KTN1: variants seen among roughly 807,000 people sequenced by gnomAD.
KTN1 encodes the protein kinectin.
KTN1 carries 130 observed loss-of-function variants against 222.5 expected under a neutral mutation model. That is an observed-to-expected ratio of 0.58 (90% confidence interval 0.51 to 0.68). The LOEUF (loss-of-function observed/expected upper bound fraction) is 0.68, where lower values mean the gene tolerates loss of function less well. Ranked by LOEUF, KTN1 falls within the 30% of genes least tolerant of loss-of-function variation. The probability of loss-of-function intolerance (pLI) is 0.00; values close to 1 mark genes in which losing one functional copy is unlikely to be tolerated. For synonymous variants in KTN1, 512 were observed against 496.3 expected (o/e 1.03, Z -0.42); for missense variants, 1,508 against 1,500.4 (o/e 1.01, Z -0.08).
intron 10 of KTN1, among the ~76,000 whole-genome samples, chr14:55,636,737 T>A (rs1207952089): frequency 6.6e-6 from 1 of 152,142 alleles, no homozygotes; most frequent in Non-Finnish European, 1.5e-5. Flanking sequence ...GCCTGAAGCA[T>A]TAAAGTTGCA....
intron 8 of KTN1, 151 bp from the exon 9 acceptor site, chr14:55,634,375 C>A: frequency 1.9e-6 from 1 of 539,110 alleles, no homozygotes; most frequent in Non-Finnish European, 3.2e-6. Flanking sequence ...TACAACTAAA[C>A]TTTATTGTTA....
At chr14:55,593,936 A>C (rs892005736) in intron 1 of KTN1, among the ~76,000 whole-genome samples, 1 of 151,926 alleles carries the variant, frequency 6.6e-6, no homozygotes, top group Non-Finnish European at 1.5e-5. Context: ...TGTTGCTGTT[A>C]CCTTTAGGAA....
chr14:55,598,289 G>C (rs1211846700), intron 1 of KTN1, among the ~76,000 whole-genome samples: 1 of 152,004 alleles, frequency 6.6e-6, no homozygotes, highest in East Asian at 1.9e-4. Flanking sequence ...CAAAAAATTA[G>C]CCGGGCGTGT....
intron 1 of KTN1, among the ~76,000 whole-genome samples, chr14:55,601,522 A>G (rs1346777407): frequency 6.6e-6 from 1 of 152,158 alleles, no homozygotes; most frequent in East Asian, 1.9e-4. Flanking sequence ...GAGTAGGACA[A>G]TAGGAATTTA....
At position 55,649,792 on chromosome 14, in the gene KTN1, T is replaced by C; in HGVS notation, c.2384T>C (p.Leu795Pro). ...KQNDQVSFAS[L>P]VEELKKVIHE... ...TATTTCCAGGTTTCTTTTGCCTCTC[T>C]AGTTGAAGAACTTAAGAAAGTGTAA... Residue 795 changes from leucine to proline, a missense_variant, in exon 22 of 44, where the codon CTA (leucine) becomes CCA (proline). Coordinates refer to ENST00000395314, the MANE Select transcript of KTN1 (RefSeq NM_001079521.2). 1 of 1,523,460 alleles carries C rather than the reference T, an allele frequency of 6.6e-7. No individual in the cohort carries two copies. Among genetic ancestry groups the C allele is most frequent in the South Asian group, 1.2e-5 (1 of 85,260 alleles). The allele number at this position is 1,523,460 out of a possible 1,614,324, so 94.4% of individuals were successfully genotyped here.
intron 21 of KTN1, 115 bp downstream of exon 21, chr14:55,648,985 G>T: frequency 1.4e-6 from 1 of 698,224 alleles, no homozygotes; most frequent in Non-Finnish European, 2.5e-6. Context: ...GAGTGCAGTG[G>T]TACAATCATA....
At chr14:55,604,380 A>T (rs1377946720) in intron 1 of KTN1, among the ~76,000 whole-genome samples, 2 of 152,128 alleles carry the variant, frequency 1.3e-5, no homozygotes, top group East Asian at 1.9e-4. Context: ...GTCATTTTTT[A>T]AAAATGAGAT....
chr14:55,652,315 C>G (rs1236537666), intron 25 of KTN1, among the ~76,000 whole-genome samples: 1 of 150,952 alleles, frequency 6.6e-6, no homozygotes, highest in Non-Finnish European at 1.5e-5. Context: ...TTACTCATGT[C>G]TGGATATTCA....
chr14:55,619,227 C>T lies in KTN1; in HGVS notation c.878C>T (p.Thr293Ile), dbSNP rs1279357790. 1 of 1,607,856 alleles carries T rather than the reference C, an allele frequency of 6.2e-7. No homozygotes were observed. Among genetic ancestry groups the T allele is most frequent in the Non-Finnish European group, 8.5e-7 (1 of 1,174,544 alleles). ...KFKDFLLSLK[T>I]MMFSEDEALC... ...AAAGATTTTCTTCTGTCCTTGAAGA[C>T]TATGATGTTTTCTGAAGATGAGGCT... The change falls in exon 5 of 44, where the codon ACT becomes ATT. Residue 293 changes from threonine to isoleucine, a missense_variant. Physicochemically the swap from Thr to Ile is moderately conservative, Grantham distance 89 (BLOSUM62 -1). Transcript: ENST00000395314.
chr14:55,581,834 G>C (rs1594642671), intron 1 of KTN1, among the ~76,000 whole-genome samples: 1 of 152,184 alleles, frequency 6.6e-6, no homozygotes, highest in East Asian at 1.9e-4. Flanking sequence ...TGAGTATTTT[G>C]GGTAGACATG....
chr14:55,588,554 T>C (rs986181020), intron 1 of KTN1, among the ~76,000 whole-genome samples: 2 of 152,206 alleles, frequency 1.3e-5, no homozygotes, highest in Non-Finnish European at 2.9e-5. Context: ...GACAGAATGC[T>C]CATGTGGAGA....
At chr14:55,669,115 T>C (rs2045200753) in intron 34 of KTN1, among the ~76,000 whole-genome samples, 1 of 152,084 alleles carries the variant, frequency 6.6e-6, no homozygotes, top group South Asian at 2.1e-4. Flanking sequence ...TTTATATTTA[T>C]GGAAATAATA....
intron 43 of KTN1, chr14:55,681,355 T>G (rs2046350249): frequency 6.6e-6 from 1 of 152,284 alleles, no homozygotes; most frequent in African/African-American, 2.4e-5. Flanking sequence ...GATTGCCTAT[T>G]ACCCCTTGCC....
chr14:55,592,141 A>G (rs182712282), intron 1 of KTN1, among the ~76,000 whole-genome samples: 8 of 152,216 alleles, frequency 5.3e-5, no homozygotes, highest in Non-Finnish European at 8.8e-5. Context: ...TTTTCCTTTT[A>G]TAATTTGTAC....
Position 55,646,436 on chromosome 14 carries a change from C to CTTTCCTTTCCT in KTN1, c.2173-529_2173-528insCCTTTTCCTTT, listed in dbSNP as rs1566787613. The stretch of plus-strand genomic sequence containing the variant: ...TTTTTTCCTTTCTTTCCTTCCTTTC[C>CTTTCCTTTCCT]TTTCCTTTTCCTTTTCCTTTTCCTT... On this transcript the variant is annotated intron_variant, in intron 18 of 43. Coordinates refer to ENST00000395314, the MANE Select transcript of KTN1 (RefSeq NM_001079521.2). Among the ~76,000 whole-genome samples the CTTTCCTTTCCT allele has an allele frequency of 3.3e-4, 32 of 96,882 alleles. 1 individual carries two copies. Among genetic ancestry groups the CTTTCCTTTCCT allele is most frequent in the African/African-American group, 1.3e-3 (29 of 23,042 alleles). The allele number at this position is 96,882 out of a possible 152,430, so 63.6% of individuals were successfully genotyped here.
rs1193302394 is a variant in KTN1 at position 55,615,880 on chromosome 14, TTCTTTCTC to T, written c.524-625_524-618del. ...TCCCTTTCTTTCTTCCTTTTCTTCTTTCTTTCTCTCTTTCTCTCTCTCTTTTCTTTCTT... is the reference window on the plus strand; with the variant it reads ...TCCCTTTCTTTCTTCCTTTTCTTCTTTCTTTCTCTCTCTCTTTTCTTTCTT... On this transcript the variant is annotated intron_variant, in intron 2 of 43. Transcript: ENST00000395314. Among the ~76,000 whole-genome samples the T allele has an allele frequency of 1.1e-4, 16 of 147,630 alleles. No individual in the cohort carries two copies. In the South Asian group the frequency reaches 2.7e-3, roughly 25 times the overall value.
At chr14:55,676,018 A>G (rs1355250869) in intron 41 of KTN1, 100 bp downstream of exon 41, 3 of 743,264 alleles carry the variant, frequency 4.0e-6, no homozygotes, top group Non-Finnish European at 6.8e-6. Flanking sequence ...GTTGTTTTGC[A>G]TCATAATATT....
At chr14:55,610,613 G>A (rs776333374) in intron 1 of KTN1, among the ~76,000 whole-genome samples, 5 of 152,296 alleles carry the variant, frequency 3.3e-5, no homozygotes, top group Non-Finnish European at 7.3e-5. Flanking sequence ...TACATTAAAA[G>A]TGTAGCAATT....
intron 41 of KTN1, among the ~76,000 whole-genome samples, chr14:55,677,061 T>C (rs968792910): frequency 2.6e-5 from 4 of 152,206 alleles, no homozygotes; most frequent in African/African-American, 9.6e-5. Context: ...ATAATAGATA[T>C]ACCATCTTAT....
Sources: gnomAD v4.1 joint callset for allele counts (sites outside exome capture counted in the v4.1 genomes callset) on GRCh38, gnomAD v4.1.1 for gene constraint, MANE v1.5 for transcripts, NCBI Gene and HGNC (gene_info 2026-07-23, HGNC 2026-07-21) for gene names.